The following KCNT2 variants were observed in gnomAD, a reference collection of about 807,000 sequenced individuals.
The protein encoded by KCNT2 is potassium sodium-activated channel subfamily T member 2, also known as potassium channel subfamily T member 2.
A neutral mutation model predicts 153.8 loss-of-function variants in KCNT2; 67 were observed. That is an observed-to-expected ratio of 0.44 (90% CI 0.36 to 0.53). KCNT2 has a LOEUF of 0.53. KCNT2 is among the 20% of genes least tolerant of loss of function. The pLI is 0.00. For synonymous variants in KCNT2, 500 were observed against 458.8 expected (o/e 1.09, Z -1.15); for missense variants, 975 against 1,354.8 (o/e 0.72, Z 4.40).
chr1:196,503,964 T>C (rs997676883), intron 1 of KCNT2, among the ~76,000 whole-genome samples: 2 of 152,158 alleles, frequency 1.3e-5, no homozygotes, highest in African/African-American at 2.4e-5. Flanking sequence ...CGACTTTTAA[T>C]AGGCAAATTG....
chr1:196,247,006 A>G (rs552189738), intron 26 of KCNT2, among the ~76,000 whole-genome samples: 3 of 152,166 alleles, frequency 2.0e-5, no homozygotes, highest in Non-Finnish European at 4.4e-5. Flanking sequence ...AATGAATTAG[A>G]AAAACAAGAC....
Position 196,258,720 on chromosome 1 carries a change from C to T in KCNT2, c.2911-226G>A, listed in dbSNP as rs558584985. On this transcript the variant is annotated intron_variant, in intron 25 of 27. Coordinates refer to ENST00000294725, the MANE Select transcript of KCNT2 (RefSeq NM_198503.5). ...CAGGCAAAATAAATACCTGTATCCT[C>T]TGGTACAAATTTTTATGAAAGTATT... The T allele has an allele frequency of 2.2e-5, 12 of 551,506 alleles. No homozygotes were observed. The East Asian group carries it at 4.1e-4, about 19-fold the overall frequency. 34.2% of individuals were successfully genotyped at this position (551,506 alleles called of 1,614,324 possible). A position where few individuals can be genotyped will look rare whatever the true frequency, so the allele number is the denominator to read the frequency against.
intron 21 of KCNT2, among the ~76,000 whole-genome samples, chr1:196,309,067 G>A (rs1405961852): frequency 6.6e-6 from 1 of 151,606 alleles, no homozygotes; most frequent in Non-Finnish European, 1.5e-5. Context: ...TTTTTCTAGG[G>A]GTGATACATT....
intron 8 of KCNT2, among the ~76,000 whole-genome samples, chr1:196,434,269 A>G (rs956637642): frequency 2.0e-5 from 3 of 152,114 alleles, no homozygotes; most frequent in African/African-American, 7.2e-5. Flanking sequence ...TAACTTCTTT[A>G]TACTTCACTA....
chr1:196,565,423 C>T (rs1227095137), intron 1 of KCNT2, among the ~76,000 whole-genome samples: 1 of 151,674 alleles, frequency 6.6e-6, no homozygotes, highest in Non-Finnish European at 1.5e-5. Context: ...GCCGTGTCAT[C>T]CCATTGCTGG....
intron 26 of KCNT2, among the ~76,000 whole-genome samples, chr1:196,237,540 T>C (rs1654552483): frequency 6.6e-6 from 1 of 151,770 alleles, no homozygotes; most frequent in Non-Finnish European, 1.5e-5. Context: ...AGAATGCCCA[T>C]GAAATCTGAA....
At chr1:196,318,754 C>T (rs1662988832) in intron 20 of KCNT2, among the ~76,000 whole-genome samples, 1 of 151,682 alleles carries the variant, frequency 6.6e-6, no homozygotes. Flanking sequence ...TAAATACTTT[C>T]AAAGTTGTAA....
intron 26 of KCNT2, among the ~76,000 whole-genome samples, chr1:196,243,163 T>C (rs1442994758): frequency 6.6e-6 from 1 of 152,200 alleles, no homozygotes; most frequent in Non-Finnish European, 1.5e-5. Context: ...CTCTTAGCTA[T>C]GCTTTTGTGC....
At chr1:196,564,637 G>T (rs1326097715) in intron 1 of KCNT2, among the ~76,000 whole-genome samples, 1 of 151,806 alleles carries the variant, frequency 6.6e-6, no homozygotes, top group African/African-American at 2.4e-5. Context: ...CATAGTACTG[G>T]TATAAAAACA....
intron 16 of KCNT2, among the ~76,000 whole-genome samples, 176 bp downstream of exon 16, chr1:196,340,165 A>T (rs1665477430): frequency 6.6e-6 from 1 of 151,998 alleles, no homozygotes; most frequent in Non-Finnish European, 1.5e-5. Flanking sequence ...CTTACTTTTT[A>T]AAAAATTCAC....
intron 19 of KCNT2, among the ~76,000 whole-genome samples, chr1:196,325,483 A>G (rs951735114): frequency 6.6e-6 from 1 of 152,228 alleles, no homozygotes; most frequent in South Asian, 2.1e-4. Context: ...AGCTCAGCCA[A>G]TTTCTTGGAG....
At chr1:196,492,839 C>A (rs1386286048) in intron 1 of KCNT2, among the ~76,000 whole-genome samples, 2 of 152,162 alleles carry the variant, frequency 1.3e-5, no homozygotes, top group African/African-American at 4.8e-5. Flanking sequence ...TTCTTCACTA[C>A]ACCTATAGCC....
At chr1:196,399,097 A>ATGTGTGTGTG (rs150605752) in intron 12 of KCNT2, among the ~76,000 whole-genome samples, 47 of 148,820 alleles carry the variant, frequency 3.2e-4, no homozygotes, top group Non-Finnish European at 3.8e-4. Flanking sequence ...ACCTGTGTGT[A>ATGTGTGTGTG]TGTGTGTGTG....
At chr1:196,409,210 T>C (rs1672085954) in intron 12 of KCNT2, among the ~76,000 whole-genome samples, 1 of 151,496 alleles carries the variant, frequency 6.6e-6, no homozygotes, top group African/African-American at 2.4e-5. Flanking sequence ...GTGCAGTGTA[T>C]CATTTTCATC....
At chr1:196,412,572 A>G (rs918171542) in intron 12 of KCNT2, among the ~76,000 whole-genome samples, 5 of 151,690 alleles carry the variant, frequency 3.3e-5, no homozygotes, top group Non-Finnish European at 7.4e-5. Context: ...GCCTGTAAAC[A>G]TATGACAAGA....
chr1:196,525,898 T>A (rs1173386232), intron 1 of KCNT2, among the ~76,000 whole-genome samples: 1 of 151,980 alleles, frequency 6.6e-6, no homozygotes, highest in African/African-American at 2.4e-5. Context: ...AGGTTATGTA[T>A]TGAACACTTG....
intron 3 of KCNT2, among the ~76,000 whole-genome samples, chr1:196,485,925 TA>T (rs555555066): frequency 1.5e-4 from 22 of 151,594 alleles, no homozygotes; most frequent in African/African-American, 4.6e-4. Flanking sequence ...ATCTCATTGA[TA>T]AAAAAAACAC....
intron 26 of KCNT2, among the ~76,000 whole-genome samples, chr1:196,237,492 G>T (rs147225355): frequency 3.3e-4 from 50 of 151,832 alleles, no homozygotes; most frequent in Admixed American, 1.7e-3. Context: ...ACAAGGAATT[G>T]TATCATGCCA....
chr1:196,379,570 TCTCTCTC>T (rs1283560239), intron 13 of KCNT2, among the ~76,000 whole-genome samples: 7 of 38,174 alleles, frequency 1.8e-4, no homozygotes. Context: ...AGACTTTCTC[TCTCTCTC>T]TCTCTCTCTC....
Sources: allele counts gnomAD v4.1 joint callset (sites outside exome capture counted in the v4.1 genomes callset), GRCh38; gene constraint gnomAD v4.1.1; transcripts MANE v1.5; gene names NCBI Gene and HGNC (gene_info 2026-07-23, HGNC 2026-07-21).